The following IGBP1C variants were observed in gnomAD, a reference collection of about 807,000 sequenced individuals.
IGBP1C encodes IGBP1 family member C, also known as immunoglobulin-binding protein 1 family member C.
the IGBP1C span, chr17:58,660,941 AG>A: frequency 9.7e-7 from 1 of 1,034,130 alleles, no homozygotes; most frequent in Non-Finnish European, 1.5e-6. Context: ...TTTCTCTCCC[AG>A]GATCTTTATT....
the IGBP1C span, chr17:58,660,633 C>T: frequency 1.3e-6 from 1 of 790,890 alleles, no homozygotes; most frequent in Non-Finnish European, 2.3e-6. Context: ...TTCCAGTCAT[C>T]CCACTCTCGA....
At chr17:58,691,874 G>C in the IGBP1C span, 3 of 152,152 alleles carry the variant, frequency 2.0e-5, no homozygotes, top group Non-Finnish European at 4.4e-5. Flanking sequence ...CTCTTGTGTA[G>C]CCCAGCCCCT....
chr17:58,687,867 A>G, the IGBP1C span, among the ~76,000 whole-genome samples: 1 of 152,200 alleles, frequency 6.6e-6, no homozygotes, highest in Admixed American at 6.6e-5. Context: ...CAGAAATGCA[A>G]CATGTCAGAA....
At chr17:58,681,911 G>GAACAAC in the IGBP1C span, among the ~76,000 whole-genome samples, 3 of 152,098 alleles carry the variant, frequency 2.0e-5, no homozygotes, top group Non-Finnish European at 2.9e-5. Flanking sequence ...AAGGGAAAAG[G>GAACAAC]TAATGTATGT....
chr17:58,687,019 G>A, the IGBP1C span, among the ~76,000 whole-genome samples: 1 of 151,754 alleles, frequency 6.6e-6, no homozygotes, highest in Non-Finnish European at 1.5e-5. Context: ...GATTACAGAT[G>A]CCCACCACCA....
At chr17:58,667,865 C>A in the IGBP1C span, among the ~76,000 whole-genome samples, 1 of 151,042 alleles carries the variant, frequency 6.6e-6, no homozygotes, top group South Asian at 2.1e-4. Context: ...CGCACTCCAG[C>A]CTGGGCGACA....
chr17:58,661,329 T>C, the IGBP1C span: 1 of 877,588 alleles, frequency 1.1e-6, no homozygotes, highest in South Asian at 1.3e-5. Context: ...TGTTTCATGG[T>C]GAGGGCTCCT....
the IGBP1C span, chr17:58,661,210 T>G: frequency 1.3e-6 from 1 of 797,642 alleles, no homozygotes; most frequent in African/African-American, 1.7e-5. Context: ...TGGTCTTGGT[T>G]TGGGGCAGCT....
chr17:58,678,514 T>G, the IGBP1C span, among the ~76,000 whole-genome samples: 3 of 152,156 alleles, frequency 2.0e-5, no homozygotes, highest in African/African-American at 7.2e-5. Flanking sequence ...GATGAGTTCA[T>G]GTCCTTTGTA....
chr17:58,668,523 GAGA>G, the IGBP1C span, among the ~76,000 whole-genome samples: 1 of 152,194 alleles, frequency 6.6e-6, no homozygotes, highest in Non-Finnish European at 1.5e-5. Context: ...CCAGCACAGG[GAGA>G]AGAACTTCAC....
At chr17:58,671,438 A>G in the IGBP1C span, among the ~76,000 whole-genome samples, 1 of 152,100 alleles carries the variant, frequency 6.6e-6, no homozygotes, top group Admixed American at 6.6e-5. Flanking sequence ...AGACCAGCAC[A>G]TATCTCTAAC....
At chr17:58,668,215 G>C in the IGBP1C span, among the ~76,000 whole-genome samples, 5 of 152,092 alleles carry the variant, frequency 3.3e-5, no homozygotes, top group Non-Finnish European at 7.3e-5. Context: ...CTGCTCCTTG[G>C]CTACAAATTC....
chr17:58,679,650 C>T, the IGBP1C span: 4 of 152,178 alleles, frequency 2.6e-5, no homozygotes, highest in African/African-American at 7.2e-5. Context: ...CTGAAAAATC[C>T]ACCTTTAATG....
the IGBP1C span, among the ~76,000 whole-genome samples, chr17:58,674,966 C>CCACAGGCTTGTTGCTT: frequency 6.6e-6 from 1 of 151,266 alleles, no homozygotes; most frequent in Admixed American, 6.6e-5. Context: ...GCCAACATGA[C>CCACAGGCTTGTTGCTT]GAAACCCCAT....
chr17:58,686,657 G>A, the IGBP1C span, among the ~76,000 whole-genome samples: 46,062 of 151,848 alleles, frequency 0.3, 7,455 homozygotes, highest in Middle Eastern at 0.49. Context: ...TCAAAGAGTC[G>A]TGGACAACAA....
chr17:58,682,074 G>A, the IGBP1C span, among the ~76,000 whole-genome samples: 1 of 151,916 alleles, frequency 6.6e-6, no homozygotes, highest in African/African-American at 2.4e-5. Flanking sequence ...TGAGCCTCCT[G>A]AGTAGCTGGG....
At chr17:58,661,793 G>T in the IGBP1C span, 3 of 500,286 alleles carry the variant, frequency 6.0e-6, no homozygotes, top group Non-Finnish European at 1.0e-5. Flanking sequence ...GCTCCACTCC[G>T]GGTCTTCGTC....
chr17:58,660,956 T>A, the IGBP1C span: 76 of 1,119,828 alleles, frequency 6.8e-5, no homozygotes, highest in Non-Finnish European at 8.6e-5. Context: ...CTTTATTTCC[T>A]GATCAATGCT....
chr17:58,678,518 C>T, the IGBP1C span, among the ~76,000 whole-genome samples: 603 of 152,198 alleles, frequency 4.0e-3, no homozygotes, highest in Admixed American at 7.3e-3. Context: ...AGTTCATGTC[C>T]TTTGTAGGGA....
Sources: allele counts gnomAD v4.1 joint callset (sites outside exome capture counted in the v4.1 genomes callset), GRCh38; gene constraint gnomAD v4.1.1; transcripts MANE v1.5; gene names NCBI Gene and HGNC (gene_info 2026-07-23, HGNC 2026-07-21).